HIVEP3: variants seen among roughly 807,000 people sequenced by gnomAD.
The protein encoded by HIVEP3 is transcription factor HIVEP3.
Under a neutral mutation model 152.8 loss-of-function variants are expected in HIVEP3, and 49 were observed. The observed-to-expected ratio is 0.32, with a 90% CI of 0.26 to 0.41. The LOEUF is 0.41. Among genes scored for constraint, HIVEP3 ranks in the 10% least tolerant of loss-of-function variants. The pLI, the probability that HIVEP3 is intolerant of heterozygous loss-of-function variation, is 1.00. For synonymous variants in HIVEP3, 1,269 were observed against 1,289.0 expected, an observed-to-expected ratio of 0.98 and a Z score of 0.33; for missense variants, 2,790 against 3,103.3, an observed-to-expected ratio of 0.90 and a Z score of 2.40.
chr1:41,832,444 T>A (rs1642991345), intron 1 of HIVEP3, among the ~76,000 whole-genome samples: 1 of 152,096 alleles, frequency 6.6e-6, no homozygotes, highest in Non-Finnish European at 1.5e-5. Context: ...GGTGGGAGGA[T>A]CACTTGAGCC....
chr1:41,863,316 T>C (rs1436064944), intron 1 of HIVEP3, among the ~76,000 whole-genome samples: 1 of 152,202 alleles, frequency 6.6e-6, no homozygotes, highest in Non-Finnish European at 1.5e-5. Flanking sequence ...GGAATTAACA[T>C]GGCTCTGAAG....
At chr1:41,887,866 T>C (rs1190166453) in intron 1 of HIVEP3, among the ~76,000 whole-genome samples, 1 of 152,082 alleles carries the variant, frequency 6.6e-6, no homozygotes, top group Non-Finnish European at 1.5e-5. Flanking sequence ...ATGCGGCTAT[T>C]TAAATTAATA....
At chr1:41,905,614 G>A (rs1057229285) in intron 1 of HIVEP3, among the ~76,000 whole-genome samples, 1 of 152,206 alleles carries the variant, frequency 6.6e-6, no homozygotes, top group Admixed American at 6.5e-5. Context: ...TAGAGGTTAA[G>A]TAACTTGTCC....
At chr1:41,575,942 C>T (rs1178758947) in intron 4 of HIVEP3, among the ~76,000 whole-genome samples, 1 of 152,194 alleles carries the variant, frequency 6.6e-6, no homozygotes, top group Non-Finnish European at 1.5e-5. Flanking sequence ...TTCATGTTAA[C>T]CTCCCATAAG....
chr1:41,607,072 C>T (rs1297241557), intron 3 of HIVEP3, among the ~76,000 whole-genome samples: 2 of 152,154 alleles, frequency 1.3e-5, no homozygotes, highest in African/African-American at 2.4e-5. Context: ...AATCCTCCCA[C>T]CTCAGCCTCT....
At chr1:41,536,872 C>A (rs536372420) in intron 5 of HIVEP3, among the ~76,000 whole-genome samples, 2 of 152,278 alleles carry the variant, frequency 1.3e-5, no homozygotes, top group African/African-American at 4.8e-5. Context: ...AAATAACCTG[C>A]CCAAGGTCAC....
At chr1:41,798,612 T>C (rs1650117585) in intron 1 of HIVEP3, among the ~76,000 whole-genome samples, 1 of 152,260 alleles carries the variant, frequency 6.6e-6, no homozygotes, top group African/African-American at 2.4e-5. Context: ...CTGGTTCTCT[T>C]CTGCTGCCTT....
intron 1 of HIVEP3, among the ~76,000 whole-genome samples, chr1:42,023,840 T>C (rs1004346702): frequency 9.2e-5 from 14 of 152,216 alleles, no homozygotes; most frequent in Non-Finnish European, 1.6e-4. Context: ...TCCATTGCAA[T>C]TGATTTTTAT....
intron 1 of HIVEP3, among the ~76,000 whole-genome samples, chr1:41,824,824 G>GAA (rs1294580273): frequency 3.5e-4 from 25 of 72,278 alleles, no homozygotes; most frequent in Non-Finnish European, 1.2e-4. Context: ...GAGAGAAAGA[G>GAA]AGAGAGAGAG....
At chr1:41,742,537 G>A (rs977095046) in intron 1 of HIVEP3, among the ~76,000 whole-genome samples, 6 of 152,118 alleles carry the variant, frequency 3.9e-5, no homozygotes, top group African/African-American at 1.4e-4. Flanking sequence ...TATCTTTCTC[G>A]TGAATACTTA....
At position 41,513,397 on chromosome 1, in the gene HIVEP3, G is replaced by C; in HGVS notation, c.5824C>G (p.Leu1942Val). The C allele has an allele frequency of 6.2e-7, 1 of 1,612,034 alleles. No individual in the cohort carries two copies. Among genetic ancestry groups the C allele is most frequent in the Non-Finnish European group, 8.5e-7 (1 of 1,179,298 alleles). Residue 1942 changes from leucine to valine, a missense_variant, in exon 8 of 9, where the codon CTG becomes GTG. Physicochemically the swap from Leu to Val is conservative, Grantham distance 32 (BLOSUM62 1). Around this residue, in one of 9 missense-constraint regions of HIVEP3, gnomAD observed 816 missense variants for 806.5 expected, o/e 1.01. Transcript: ENST00000372583. The stretch of plus-strand genomic sequence containing the variant: ...ACAGAGCCCAGAGGGGCCGGTCCCA[G>C]CCAGGGGAGGCCCGGCATGCTCTGG... ...SSQSMPGLPW[L>V]GPAPLGSVEK...
chr1:41,995,392 T>C (rs1379822871), intron 1 of HIVEP3, among the ~76,000 whole-genome samples: 1 of 152,168 alleles, frequency 6.6e-6, no homozygotes, highest in African/African-American at 2.4e-5. Context: ...ATTGCCAATC[T>C]AGAATTGTAT....
At chr1:41,651,213 C>T (rs2124014280) in intron 2 of HIVEP3, among the ~76,000 whole-genome samples, 1 of 152,088 alleles carries the variant, frequency 6.6e-6, no homozygotes, top group South Asian at 2.1e-4. Context: ...AGTTCGAGAC[C>T]AGCCTGGCCA....
intron 1 of HIVEP3, among the ~76,000 whole-genome samples, chr1:41,896,973 C>G (rs1473471302): frequency 6.6e-6 from 1 of 152,134 alleles, no homozygotes; most frequent in Non-Finnish European, 1.5e-5. Flanking sequence ...AGGATCCTGA[C>G]AGCAGTCATG....
Position 41,584,691 on chromosome 1 carries a change from G to A in HIVEP3, c.107C>T (p.Pro36Leu). The part of the protein sequence containing the change: ...AIQTSVSSSV[P>L]YPGSGTAATQ... Reference sequence around the variant, plus strand: ...GGCAGCTGTGCCGCTGCCTGGGTATGGGACGCTGGAAGAAACACTGGTCTG... The same window carrying A: ...GGCAGCTGTGCCGCTGCCTGGGTATAGGACGCTGGAAGAAACACTGGTCTG... The change falls in exon 4 of 9, where the codon CCA becomes CTA. Residue 36 changes from proline (P) to leucine (L), a missense_variant. This residue lies in a region of HIVEP3 where 209 missense variants were observed against 237.0 expected (regional missense o/e 0.88). Coordinates refer to ENST00000372583, the MANE Select transcript of HIVEP3 (RefSeq NM_024503.5). This position sits in a 1 kb window ranked among gnomAD's most constrained non-coding sequence, Gnocchi z 5.2. 2 of 1,574,202 alleles carry A rather than the reference G, an allele frequency of 1.3e-6. No homozygotes were observed. The highest frequency in any genetic ancestry group is 1.4e-5 in the African/African-American group (1 of 73,396).
chr1:41,781,282 AATGCTGTCC>A (rs1200108965), intron 1 of HIVEP3, among the ~76,000 whole-genome samples: 2 of 152,304 alleles, frequency 1.3e-5, no homozygotes, highest in African/African-American at 4.8e-5. Context: ...GACAATGTAC[AATGCTGTCC>A]ATGTTAGAAG....
At chr1:41,676,718 A>C (rs6700172) in intron 2 of HIVEP3, among the ~76,000 whole-genome samples, 1 of 152,148 alleles carries the variant, frequency 6.6e-6, no homozygotes, top group Non-Finnish European at 1.5e-5. Flanking sequence ...CTCCACTCTC[A>C]ATTCAGGCAG....
chr1:41,742,767 C>T (rs140150556), intron 1 of HIVEP3, among the ~76,000 whole-genome samples: 32 of 152,286 alleles, frequency 2.1e-4, no homozygotes, highest in Admixed American at 1.4e-3. Context: ...CTCCCTCTGT[C>T]GCATCATCTT....
At chr1:42,011,767 A>G (rs538545145) in intron 1 of HIVEP3, among the ~76,000 whole-genome samples, 9 of 151,926 alleles carry the variant, frequency 5.9e-5, no homozygotes, top group Non-Finnish European at 1.3e-4. Flanking sequence ...CGGTTCACTG[A>G]CTCCCTTATT....
Sources: allele counts gnomAD v4.1 joint callset (sites outside exome capture counted in the v4.1 genomes callset), GRCh38; gene constraint gnomAD v4.1.1; regional missense constraint gnomAD v4.1.1; non-coding constraint Gnocchi (gnomAD v3.1); transcripts MANE v1.5; gene names NCBI Gene and HGNC (gene_info 2026-07-23, HGNC 2026-07-21).